Variants in SFR1 observed in about 807,000 individuals in gnomAD.
SFR1 encodes SWI5 dependent homologous recombination repair protein 1, also known as swi5-dependent recombination DNA repair protein 1 homolog.
Under a neutral mutation model 26.2 loss-of-function variants are expected in SFR1, and 24 were observed. That is an observed-to-expected ratio of 0.92 (90% CI 0.66 to 1.29). The LOEUF (loss-of-function observed/expected upper bound fraction) is 1.29, where lower values mean the gene tolerates loss of function less well. Among genes scored for constraint, SFR1 ranks in the 50% most tolerant of loss-of-function variants. The probability of loss-of-function intolerance (pLI) is 0.00; values close to 1 mark genes in which losing one functional copy is unlikely to be tolerated. For synonymous variants in SFR1, 77 were observed against 96.6 expected (o/e 0.80, Z 1.19); for missense variants, 276 against 270.2 (o/e 1.02, Z -0.15).
intron 1 of SFR1, chr10:104,122,443 C>T (rs2086974794): frequency 1.0e-6 from 1 of 985,308 alleles, no homozygotes; most frequent in African/African-American, 1.7e-5. Flanking sequence ...CCTTTTCAGT[C>T]CCTGTTGGCC....
chr10:104,122,025 C>G, upstream of SFR1: 1 of 773,606 alleles, frequency 1.3e-6, no homozygotes, highest in Admixed American at 2.6e-5. Flanking sequence ...CGGAGGCGCG[C>G]GCGCAGTCCC....
At chr10:104,124,256 C>CTGATGAGTAACAAAGTAGCCAACAGT in intron 3 of SFR1, 132 bp downstream of exon 3, 1 of 781,414 alleles carries the variant, frequency 1.3e-6, no homozygotes. Context: ...TGGCTTCCAA[C>CTGATGAGTAACAAAGTAGCCAACAGT]AGCTTTAATT....
intron 3 of SFR1, among the ~76,000 whole-genome samples, chr10:104,125,187 A>G (rs1466233089): frequency 6.6e-6 from 1 of 152,186 alleles, no homozygotes; most frequent in Non-Finnish European, 1.5e-5. Flanking sequence ...GCATAGTGTC[A>G]TTTTTTAAAA....
At chr10:104,124,389 A>C (rs1011251534) in intron 3 of SFR1, among the ~76,000 whole-genome samples, 2 of 152,006 alleles carry the variant, frequency 1.3e-5, no homozygotes, top group Admixed American at 6.6e-5. Flanking sequence ...GCAATATTAG[A>C]AGTATTAAAT....
chr10:104,122,543 A>G (rs2134700736), intron 1 of SFR1: 2 of 985,424 alleles, frequency 2.0e-6, no homozygotes, highest in Non-Finnish European at 2.4e-6. Flanking sequence ...TTCTAGTCAC[A>G]GCTTGTAGAG....
At chr10:104,124,292 G>T (rs886428285) in intron 3 of SFR1, among the ~76,000 whole-genome samples, 168 bp downstream of exon 3, 2 of 151,930 alleles carry the variant, frequency 1.3e-5, no homozygotes, top group Non-Finnish European at 2.9e-5. Context: ...AGTAGAAAAG[G>T]CCCTTAAACA....
chr10:104,120,298 C>G (rs1163426084), upstream of SFR1, among the ~76,000 whole-genome samples: 4 of 152,214 alleles, frequency 2.6e-5, no homozygotes, highest in Non-Finnish European at 5.9e-5. Context: ...AATGTACAGA[C>G]TGAGACCTGC....
At chr10:104,122,064 G>T (rs1239579993), upstream of SFR1, 11 of 1,233,974 alleles carry the variant, frequency 8.9e-6, no homozygotes, top group African/African-American at 4.6e-5. Context: ...GTGAAGCGGC[G>T]CCTCGCGCGT....
At position 104,123,806 on chromosome 10, in the gene SFR1, T is replaced by C; in HGVS notation, c.228T>C (p.Ser76=). Residue 76 remains serine (S), a synonymous_variant, in exon 3 of 4, where the codon AGT becomes AGC. Transcript: ENST00000369727. ...TGGTGAAACGTCTTAAAGTAGAGAGTGAAGAAAATGATCAGACCTTTTCAG... is the reference window on the plus strand; with the variant it reads ...TGGTGAAACGTCTTAAAGTAGAGAGCGAAGAAAATGATCAGACCTTTTCAG... The part of the protein sequence containing the change: ...YNVVKRLKVE[S]EENDQTFSEK... The C allele has an allele frequency of 6.2e-7, 1 of 1,612,606 alleles. No individual in the cohort carries two copies. The highest frequency in any genetic ancestry group is 8.5e-7 in the Non-Finnish European group (1 of 1,179,728).
In SFR1 at chr10:104,123,033, C is replaced by T. The variant is rs116726495; in HGVS notation, c.82C>T (p.Pro28Ser). The T allele has an allele frequency of 1.2e-6, 2 of 1,608,958 alleles. No individual in the cohort carries two copies. The highest frequency in any genetic ancestry group is 2.2e-5 in the East Asian group (1 of 44,838). Residue 28 changes from proline (P) to serine (S), a missense_variant, in exon 2 of 4, where the codon CCT (proline) becomes TCT (serine). Transcript: ENST00000369727. ...SDSAVVLPST[P>S]QASANPSSPY... ...CTCAGCTGTGGTTTTACCTAGCACT[C>T]CTCAGGCCTCTGCGAATCCATCATC... is the stretch of plus-strand genomic sequence containing the variant.
intron 1 of SFR1, 151 bp downstream of exon 1, chr10:104,122,347 G>T: frequency 2.9e-6 from 4 of 1,391,372 alleles, no homozygotes; most frequent in Non-Finnish European, 3.7e-6. Context: ...TTTCTGCAAC[G>T]GGGGGAAGGA....
At chr10:104,122,429 C>G in intron 1 of SFR1, 1 of 985,428 alleles carries the variant, frequency 1.0e-6, no homozygotes, top group Non-Finnish European at 1.2e-6. Flanking sequence ...TTTCAGTCCA[C>G]TCTCCTTTTC....
upstream of SFR1, among the ~76,000 whole-genome samples, chr10:104,121,147 G>A (rs1049880074): frequency 6.6e-6 from 1 of 152,044 alleles, no homozygotes; most frequent in African/African-American, 2.4e-5. Flanking sequence ...CTGCTGCCCG[G>A]TAGCCAGCAA....
In SFR1 at chr10:104,125,557, C is replaced by T. The variant is rs1160292998; in HGVS notation, c.591C>T (p.Ser197=). ...AGTTGTTAATAAAGAAGTGGAGAAGCTGTAGCCAGCTCTTGCTTTATGAGT... is the reference window on the plus strand; with the variant it reads ...AGTTGTTAATAAAGAAGTGGAGAAGTTGTAGCCAGCTCTTGCTTTATGAGT... ...QLQLLIKKWR[S]CSQLLLYELQ... is the part of the protein sequence containing the mutation. The change falls in exon 4 of 4, where the codon AGC becomes AGT. Residue 197 remains serine (S), a synonymous_variant. Transcript: ENST00000369727. 1 of 1,613,236 alleles carries T rather than the reference C, an allele frequency of 6.2e-7. No homozygotes were observed. Among genetic ancestry groups the T allele is most frequent in the East Asian group, 2.2e-5 (1 of 44,880 alleles).
At chr10:104,121,853 C>T (rs1189054744), upstream of SFR1, among the ~76,000 whole-genome samples, 1 of 152,226 alleles carries the variant, frequency 6.6e-6, no homozygotes, top group Non-Finnish European at 1.5e-5. Flanking sequence ...AGCTCAGCCT[C>T]GCCCGCCCCG....
rs1446030384 is a variant in SFR1, at chr10:104,124,000, A to C, written c.422A>C (p.Glu141Ala). 2 of 1,614,066 alleles carry C rather than the reference A, an allele frequency of 1.2e-6. No homozygotes were observed. The highest frequency in any genetic ancestry group is 1.7e-6 in the Non-Finnish European group (2 of 1,179,970). The change falls in exon 3 of 4, where the codon GAG becomes GCG. Residue 141 changes from glutamate (E) to alanine (A), a missense_variant. By Grantham distance (107) the Glu-to-Ala change is moderately radical. Transcript: ENST00000369727. ...DSGSCSALQN[E>A]FVSEKLPKQR... ...GGATCATGCAGTGCTCTCCAAAATG[A>C]GTTTGTGAGTGAGAAGCTTCCTAAA...
At position 104,125,762 on chromosome 10, in the gene SFR1, A is replaced by T; in HGVS notation, c.*58A>T. ...ATGACAACTTAATTAAAAGATACTT[A>T]GGCACTTTTTTTTTTTTTTTGAGAC... On this transcript the variant is annotated 3_prime_UTR_variant, in exon 4 of 4. Coordinates refer to ENST00000369727, the MANE Select transcript of SFR1 (RefSeq NM_001002759.2). The T allele has an allele frequency of 8.2e-7, 1 of 1,212,492 alleles. No individual in the cohort carries two copies. The highest frequency in any genetic ancestry group is 1.2e-6 in the Non-Finnish European group (1 of 868,846). 75.1% of individuals were successfully genotyped at this position (1,212,492 alleles called of 1,614,324 possible). A position where few individuals can be genotyped will look rare whatever the true frequency, so the allele number is the denominator to read the frequency against.
chr10:104,125,723 G>T lies in SFR1; in HGVS notation c.*19G>T. On this transcript the variant is annotated 3_prime_UTR_variant, in exon 4 of 4. Coordinates refer to ENST00000369727, the MANE Select transcript of SFR1 (RefSeq NM_001002759.2). ...TGTTTAATTCCTGATTTTTGCTCCAGAATATCTTTGAGAATGACAACTTAA... is the reference window on the plus strand; with the variant it reads ...TGTTTAATTCCTGATTTTTGCTCCATAATATCTTTGAGAATGACAACTTAA... 6.7e-7 allele frequency: 1 copy of T among 1,497,372 alleles called. No individual in the cohort carries two copies. The highest frequency in any genetic ancestry group is 9.1e-7 in the Non-Finnish European group (1 of 1,097,530). The allele number at this position is 1,497,372 out of a possible 1,614,324, so 92.8% of individuals were successfully genotyped here. A position where few individuals can be genotyped will look rare whatever the true frequency, so the allele number is the denominator to read the frequency against.
upstream of SFR1, among the ~76,000 whole-genome samples, chr10:104,120,404 A>AT (rs1198577856): frequency 1.3e-5 from 2 of 152,182 alleles, no homozygotes; most frequent in Non-Finnish European, 2.9e-5. Flanking sequence ...ATTTTAAAAA[A>AT]TTTTAGGAGT....
Sources: gnomAD v4.1 joint callset for allele counts (sites outside exome capture counted in the v4.1 genomes callset) on GRCh38, gnomAD v4.1.1 for gene constraint, MANE v1.5 for transcripts, NCBI Gene and HGNC (gene_info 2026-07-23, HGNC 2026-07-21) for gene names.